Variants in LUZP2 observed in about 807,000 individuals in gnomAD.
The protein encoded by LUZP2 is leucine zipper protein 2.
LUZP2 carries 52 observed loss-of-function variants against 51.6 expected under a neutral mutation model. The ratio of observed to expected loss-of-function variants is 1.01; its 90% CI spans 0.81 to 1.27. LUZP2 has a LOEUF of 1.27. Among genes scored for constraint, LUZP2 ranks in the 50% most tolerant of loss-of-function variants. The pLI is 0.00. For synonymous variants in LUZP2, 154 were observed against 137.3 expected, an observed-to-expected ratio of 1.12 and a Z score of -0.85; for missense variants, 436 against 395.4, an observed-to-expected ratio of 1.10 and a Z score of -0.87.
In LUZP2 at chr11:24,654,803, G is replaced by A. The variant is rs1266895340; in HGVS notation, c.63-74366G>A. On this transcript the variant is annotated intron_variant, in intron 1 of 11. Coordinates refer to ENST00000336930, the MANE Select transcript of LUZP2 (RefSeq NM_001009909.4). ...GCCTCCAAAAGTGCTGGGATTACAG[G>A]CATGAGCCACCGCGCCCGGCCTACT... is the stretch of plus-strand genomic sequence containing the variant. 2.0e-5 allele frequency among the ~76,000 whole-genome samples: 3 copies of A among 151,478 alleles called. No homozygotes were observed. The East Asian group carries it at 5.8e-4, about 29-fold the overall frequency.
intron 7 of LUZP2, among the ~76,000 whole-genome samples, chr11:24,933,967 TG>T (rs1362292436): frequency 1.3e-5 from 2 of 151,908 alleles, no homozygotes; most frequent in Non-Finnish European, 2.9e-5. Flanking sequence ...GGGCAAGGGT[TG>T]GGGGGAGGAT....
At chr11:24,593,695 G>A (rs914345799) in intron 1 of LUZP2, among the ~76,000 whole-genome samples, 4 of 152,124 alleles carry the variant, frequency 2.6e-5, no homozygotes, top group East Asian at 1.9e-4. Context: ...AACAGTACCC[G>A]CAGTGAGGAT....
At chr11:24,810,494 A>G (rs1328044754) in intron 5 of LUZP2, among the ~76,000 whole-genome samples, 1 of 152,160 alleles carries the variant, frequency 6.6e-6, no homozygotes, top group African/African-American at 2.4e-5. Flanking sequence ...AGGCCATTTA[A>G]TTTAATTGAG....
chr11:24,618,362 A>G (rs899948887), intron 1 of LUZP2, among the ~76,000 whole-genome samples: 1 of 152,138 alleles, frequency 6.6e-6, no homozygotes, highest in Admixed American at 6.6e-5. Context: ...GCCTTCTCTT[A>G]TATTACCATA....
chr11:24,946,912 A>G (rs984550625), intron 7 of LUZP2, among the ~76,000 whole-genome samples: 2 of 152,000 alleles, frequency 1.3e-5, no homozygotes, highest in African/African-American at 2.4e-5. Flanking sequence ...CTATATATTC[A>G]TATATGCATA....
rs112533965 is a variant in LUZP2 at position 24,677,506 on chromosome 11, C to G, written c.63-51663C>G. On this transcript the variant is annotated intron_variant, in intron 1 of 11. Coordinates refer to ENST00000336930, the MANE Select transcript of LUZP2 (RefSeq NM_001009909.4). The stretch of plus-strand genomic sequence containing the variant: ...CACATATTCTTCTCTATCAGGAATT[C>G]CAAAGCCCCTGCTCTTTGCAAATTA... Among the ~76,000 whole-genome samples the G allele has an allele frequency of 7.5e-3, 1,138 of 152,256 alleles. 15 individuals carry two copies. The highest frequency in any genetic ancestry group is 0.034 in the South Asian group (165 of 4,816).
chr11:24,940,629 A>G lies in LUZP2; in HGVS notation c.522+26091A>G, dbSNP rs12574142. On this transcript the variant is annotated intron_variant, in intron 7 of 11. Coordinates refer to ENST00000336930, the MANE Select transcript of LUZP2 (RefSeq NM_001009909.4). Reference sequence around the variant, plus strand: ...ATGAGTTAATACAAATAAATTATCAACTTATAATAGCTTCTGGCACATATT... The same window carrying G: ...ATGAGTTAATACAAATAAATTATCAGCTTATAATAGCTTCTGGCACATATT... Among the ~76,000 whole-genome samples the G allele has an allele frequency of 6.3e-3, 964 of 152,326 alleles. 17 individuals carry two copies. The highest frequency in any genetic ancestry group is 0.06 in the East Asian group (309 of 5,180).
At chr11:24,986,843 G>T (rs1034479587) in intron 9 of LUZP2, among the ~76,000 whole-genome samples, 1 of 151,636 alleles carries the variant, frequency 6.6e-6, no homozygotes, top group Admixed American at 6.6e-5. Context: ...ATATCACCAA[G>T]AATCCTACCA....
chr11:24,548,454 A>T (rs7110572), intron 1 of LUZP2, among the ~76,000 whole-genome samples: 3,271 of 152,140 alleles, frequency 0.021, 103 homozygotes, highest in South Asian at 0.06. Context: ...GCAGGAAGAG[A>T]AAACCAAATA....
intron 5 of LUZP2, among the ~76,000 whole-genome samples, chr11:24,778,722 T>A (rs1590509488): frequency 6.6e-6 from 1 of 152,274 alleles, no homozygotes; most frequent in Admixed American, 6.5e-5. Context: ...AAGAGTAGAA[T>A]TTTTGCTAGC....
chr11:24,764,350 G>A (rs1860099760), intron 5 of LUZP2, among the ~76,000 whole-genome samples: 1 of 151,724 alleles, frequency 6.6e-6, no homozygotes, highest in Non-Finnish European at 1.5e-5. Context: ...CAACTAAGGA[G>A]GAAGTTCTTT....
intron 1 of LUZP2, among the ~76,000 whole-genome samples, chr11:24,503,758 T>C (rs927824098): frequency 6.6e-6 from 1 of 152,220 alleles, no homozygotes; most frequent in African/African-American, 2.4e-5. Context: ...ATATTCATTC[T>C]GTTCTGTTAT....
At chr11:24,851,984 T>C (rs967199512) in intron 5 of LUZP2, among the ~76,000 whole-genome samples, 1 of 152,172 alleles carries the variant, frequency 6.6e-6, no homozygotes, top group Non-Finnish European at 1.5e-5. Context: ...TCATTTTTTA[T>C]TGTGTCTATT....
intron 1 of LUZP2, among the ~76,000 whole-genome samples, chr11:24,618,703 C>T (rs931423381): frequency 2.0e-5 from 3 of 152,158 alleles, no homozygotes; most frequent in African/African-American, 7.2e-5. Context: ...ATTCATCAGT[C>T]GGTCTGCTTT....
At chr11:24,988,785 A>T (rs895221262) in intron 9 of LUZP2, among the ~76,000 whole-genome samples, 62 of 152,152 alleles carry the variant, frequency 4.1e-4, no homozygotes, top group African/African-American at 1.4e-3. Context: ...ATGCTTAGGG[A>T]TATACGTGCT....
intron 5 of LUZP2, among the ~76,000 whole-genome samples, chr11:24,846,272 A>G (rs1851195016): frequency 6.6e-6 from 1 of 152,100 alleles, no homozygotes; most frequent in South Asian, 2.1e-4. Flanking sequence ...ATAGCCCTTC[A>G]TGAATATTGA....
At chr11:24,743,732 G>A (rs969317599) in intron 4 of LUZP2, among the ~76,000 whole-genome samples, 4 of 152,020 alleles carry the variant, frequency 2.6e-5, no homozygotes, top group African/African-American at 9.7e-5. Context: ...CTATGTTGAA[G>A]AGGAGTGGTA....
intron 5 of LUZP2, among the ~76,000 whole-genome samples, chr11:24,774,395 C>CACACACACATATATATAAAGAAT (rs1565131394): frequency 8.8e-4 from 91 of 103,018 alleles, no homozygotes; most frequent in African/African-American, 2.0e-3. Flanking sequence ...TACACACACA[C>CACACACACATATATATAAAGAAT]ATATTTATAA....
intron 1 of LUZP2, among the ~76,000 whole-genome samples, chr11:24,663,988 T>C (rs2133987729): frequency 6.6e-6 from 1 of 152,302 alleles, no homozygotes; most frequent in African/African-American, 2.4e-5. Flanking sequence ...CTTGGGTATG[T>C]CTTCATTGCA....
Sources: allele counts gnomAD v4.1 joint callset (sites outside exome capture counted in the v4.1 genomes callset), GRCh38; gene constraint gnomAD v4.1.1; transcripts MANE v1.5; gene names NCBI Gene and HGNC (gene_info 2026-07-23, HGNC 2026-07-21).